PCDHA8: variants seen among roughly 807,000 people sequenced by gnomAD.
PCDHA8 encodes protocadherin alpha 8, also known as protocadherin alpha-8.
In PCDHA8, 53 loss-of-function variants were observed where a neutral mutation model predicts 61.8. The ratio of observed to expected loss-of-function variants is 0.86; its 90% CI spans 0.69 to 1.08. The LOEUF is 1.08. PCDHA8 is among the 50% of genes least tolerant of loss of function. The pLI is 0.00. For synonymous variants in PCDHA8, 618 were observed against 556.6 expected, an observed-to-expected ratio of 1.11 and a Z score of -1.55; for missense variants, 1,293 against 1,245.0, an observed-to-expected ratio of 1.04 and a Z score of -0.58.
chr5:141,006,274 C>T (rs565885323), intron 3 of PCDHA8, among the ~76,000 whole-genome samples: 13 of 152,026 alleles, frequency 8.6e-5, no homozygotes, highest in African/African-American at 2.9e-4. Context: ...TGCAGTGGCA[C>T]GATCTCAGCT....
At chr5:140,968,152 C>A (rs782362724) in intron 1 of PCDHA8, 6 of 1,614,054 alleles carry the variant, frequency 3.7e-6, no homozygotes, top group Non-Finnish European at 1.7e-6. Flanking sequence ...TCTCTGACAT[C>A]AATGACAATC....
At chr5:140,968,322 C>T (rs782755782) in intron 1 of PCDHA8, 9 of 1,614,122 alleles carry the variant, frequency 5.6e-6, no homozygotes, top group Non-Finnish European at 6.8e-6. Context: ...CTGCCAGTCA[C>T]CTCCTATGTC....
chr5:140,978,661 T>A (rs1035787381), intron 1 of PCDHA8, among the ~76,000 whole-genome samples: 15 of 152,246 alleles, frequency 9.9e-5, no homozygotes, highest in Admixed American at 9.8e-4. Context: ...CCGTAGTGTT[T>A]TAAGAACACA....
intron 1 of PCDHA8, among the ~76,000 whole-genome samples, chr5:140,891,347 A>G (rs1554184792): frequency 6.6e-6 from 1 of 151,926 alleles, no homozygotes; most frequent in African/African-American, 2.4e-5. Context: ...ATTTTGGTGC[A>G]TCCATCACCT....
Position 140,880,781 on chromosome 5 carries a change from G to C in PCDHA8, c.2394+37066G>C, listed in dbSNP as rs575201091. Reference sequence around the variant, plus strand: ...GTGTTGGAGGCTAAAAAGAATGTTAGAGGAGTAATATAAATAGGTGAATGA... The same window carrying C: ...GTGTTGGAGGCTAAAAAGAATGTTACAGGAGTAATATAAATAGGTGAATGA... On this transcript the variant is annotated intron_variant, in intron 1 of 3. Transcript: ENST00000531613. Among the ~76,000 whole-genome samples the C allele has an allele frequency of 5.9e-5, 9 of 152,346 alleles. No homozygotes were observed. In the East Asian group the frequency reaches 1.3e-3, roughly 23 times the overall value.
rs151249575 is a variant in PCDHA8, at chr5:140,920,220, T to TTATA, written c.2395-58728_2395-58725dup. 8.8e-3 allele frequency among the ~76,000 whole-genome samples: 1,344 copies of TTATA among 152,322 alleles called. 13 individuals carry two copies. The highest frequency in any genetic ancestry group is 0.031 in the African/African-American group (1,300 of 41,558). On this transcript the variant is annotated intron_variant, in intron 1 of 3. Coordinates refer to ENST00000531613, the MANE Select transcript of PCDHA8 (RefSeq NM_018911.3). ...GCAGCCACAGAAAACCAATGCACAT[T>TTATA]TATAGTATTATATACCCAACAATAC...
intron 1 of PCDHA8, chr5:140,848,888 A>C: frequency 6.4e-7 from 1 of 1,564,652 alleles, no homozygotes; most frequent in South Asian, 1.1e-5. Flanking sequence ...ACAACCCTCC[A>C]GTGTTCCCAG....
At chr5:140,915,582 G>T (rs991142864) in intron 1 of PCDHA8, among the ~76,000 whole-genome samples, 1 of 151,936 alleles carries the variant, frequency 6.6e-6, no homozygotes, top group Non-Finnish European at 1.5e-5. Context: ...CCAGGCAAAA[G>T]CACTTGTTCT....
Position 140,969,579 on chromosome 5 carries a change from G to A in PCDHA8, c.2395-9370G>A, listed in dbSNP as rs373969836. Reference sequence around the variant, plus strand: ...TCCATAAAATTGTTTGAGAAGTGAGGATTAGTCTTAATATTTAATGCTAAA... The same window carrying A: ...TCCATAAAATTGTTTGAGAAGTGAGAATTAGTCTTAATATTTAATGCTAAA... On this transcript the variant is annotated intron_variant, in intron 1 of 3. Coordinates refer to ENST00000531613, the MANE Select transcript of PCDHA8 (RefSeq NM_018911.3). 1,666 of 951,704 alleles carry A rather than the reference G, an allele frequency of 1.8e-3. 9 individuals carry two copies. The Middle Eastern group carries it at 0.019, about 11-fold the overall frequency. 59.0% of individuals were successfully genotyped at this position (951,704 alleles called of 1,614,324 possible). A position where few individuals can be genotyped will look rare whatever the true frequency, so the allele number is the denominator to read the frequency against.
At chr5:140,876,424 A>G in intron 1 of PCDHA8, 1 of 1,613,970 alleles carries the variant, frequency 6.2e-7, no homozygotes. Context: ...TGCCTATGAA[A>G]TTCAGGTTAA....
intron 3 of PCDHA8, among the ~76,000 whole-genome samples, chr5:140,986,524 G>C (rs2097203903): frequency 6.6e-6 from 1 of 152,198 alleles, no homozygotes; most frequent in South Asian, 2.1e-4. Flanking sequence ...GCCTGTGAGG[G>C]AACTGGCCTG....
intron 1 of PCDHA8, chr5:140,882,249 T>C (rs1412428548): frequency 6.3e-7 from 1 of 1,595,264 alleles, no homozygotes; most frequent in Non-Finnish European, 8.5e-7. Flanking sequence ...CAGATAGCTC[T>C]GAGGTTTTTG....
At chr5:140,929,122 G>A (rs782041922) in intron 1 of PCDHA8, 24 of 1,614,096 alleles carry the variant, frequency 1.5e-5, no homozygotes, top group Non-Finnish European at 1.8e-5. Flanking sequence ...CACCATAGAT[G>A]TCACTACAGT....
At position 140,857,034 on chromosome 5, in the gene PCDHA8, T is replaced by C. The variant is rs374158544; in HGVS notation, c.2394+13319T>C. On this transcript the variant is annotated intron_variant, in intron 1 of 3. Transcript: ENST00000531613. Reference sequence around the variant, plus strand: ...GTTACAGATAAGGGAAACCCACCTATGGTTGGTCACTGCACGGTCCTAGTG... The same window carrying C: ...GTTACAGATAAGGGAAACCCACCTACGGTTGGTCACTGCACGGTCCTAGTG... The C allele has an allele frequency of 5.6e-6, 9 of 1,595,714 alleles. No homozygotes were observed. The African/African-American group carries it at 8.1e-5, about 14-fold the overall frequency.
At chr5:140,848,810 C>T (rs2150250287) in intron 1 of PCDHA8, 1 of 1,591,698 alleles carries the variant, frequency 6.3e-7, no homozygotes, top group East Asian at 2.2e-5. Context: ...GCAGCATCCA[C>T]CTGGAGGTGA....
intron 1 of PCDHA8, among the ~76,000 whole-genome samples, chr5:140,891,658 C>T (rs1241439148): frequency 6.6e-6 from 1 of 151,928 alleles, no homozygotes; most frequent in Non-Finnish European, 1.5e-5. Context: ...GATAGTTCAC[C>T]CACCTTAAAG....
chr5:140,883,575 G>A (rs782472492), intron 1 of PCDHA8: 2 of 1,614,072 alleles, frequency 1.2e-6, no homozygotes, highest in Non-Finnish European at 1.7e-6. Flanking sequence ...CCTTCGCTGT[G>A]GGCCACGGCC....
In PCDHA8 at chr5:140,857,559, C is replaced by T; in HGVS notation, c.2394+13844C>T. On this transcript the variant is annotated intron_variant, in intron 1 of 3. Transcript: ENST00000531613. The stretch of plus-strand genomic sequence containing the variant: ...CGGCGGTTGGGCGAGCGCTCGCTGT[C>T]GAGCTACGTGTCGGTGCACGCGGAG... 1.3e-6 allele frequency: 2 copies of T among 1,596,876 alleles called. No homozygotes were observed. Among genetic ancestry groups the T allele is most frequent in the South Asian group, 1.1e-5 (1 of 90,494 alleles).
At chr5:140,991,640 T>C (rs1315335320) in intron 3 of PCDHA8, among the ~76,000 whole-genome samples, 1 of 152,194 alleles carries the variant, frequency 6.6e-6, no homozygotes, top group Non-Finnish European at 1.5e-5. Flanking sequence ...AACAATCTGT[T>C]CATGACAATT....
Sources: gnomAD v4.1 joint callset for allele counts (sites outside exome capture counted in the v4.1 genomes callset) on GRCh38, gnomAD v4.1.1 for gene constraint, MANE v1.5 for transcripts, NCBI Gene and HGNC (gene_info 2026-07-23, HGNC 2026-07-21) for gene names.